PCDHGB6: variants seen among roughly 807,000 people sequenced by gnomAD.
PCDHGB6 encodes protocadherin gamma subfamily B, 6.
A neutral mutation model predicts 59.1 loss-of-function variants in PCDHGB6; 51 were observed. That is an observed-to-expected ratio of 0.86 (90% CI 0.69 to 1.09). The LOEUF is 1.09. PCDHGB6 is among the 50% of genes least tolerant of loss of function. PCDHGB6 has a pLI of 0.00. For synonymous variants in PCDHGB6, 466 were observed against 495.1 expected, an observed-to-expected ratio of 0.94 and a Z score of 0.78; for missense variants, 1,148 against 1,205.1, an observed-to-expected ratio of 0.95 and a Z score of 0.70.
chr5:141,425,835 T>C (rs536839515), intron 1 of PCDHGB6, among the ~76,000 whole-genome samples: 1 of 152,256 alleles, frequency 6.6e-6, no homozygotes, highest in Admixed American at 6.5e-5. Flanking sequence ...TTTTAAATTC[T>C]CTTTGCTGGG....
At chr5:141,414,435 C>G (rs891322256) in intron 1 of PCDHGB6, 2 of 1,613,678 alleles carry the variant, frequency 1.2e-6, no homozygotes, top group African/African-American at 1.3e-5. Context: ...AACAGGTATC[C>G]TCTTACAATA....
chr5:141,499,533 G>T (rs2099792525), intron 2 of PCDHGB6, among the ~76,000 whole-genome samples: 1 of 152,086 alleles, frequency 6.6e-6, no homozygotes, highest in African/African-American at 2.4e-5. Flanking sequence ...AGAGAGAATG[G>T]TGTCATGAAC....
At chr5:141,447,433 C>T (rs756021616) in intron 1 of PCDHGB6, among the ~76,000 whole-genome samples, 5 of 152,118 alleles carry the variant, frequency 3.3e-5, no homozygotes, top group African/African-American at 7.2e-5. Context: ...CCACCGCACC[C>T]GGAGGAAATT....
Position 141,486,674 on chromosome 5 carries a change from G to A in PCDHGB6, c.2419-8133G>A. On this transcript the variant is annotated intron_variant, in intron 1 of 3. Transcript: ENST00000520790. This position sits in a 1 kb window ranked among gnomAD's most constrained non-coding sequence, Gnocchi z 5.0. ...CTCACTCCTGGAGCCCAGGAATCGA[G>A]ATGTATCAGCTTCCTCTTTCATCTC... The A allele has an allele frequency of 1.9e-6, 3 of 1,614,080 alleles. No individual in the cohort carries two copies. Among genetic ancestry groups the A allele is most frequent in the Non-Finnish European group, 2.5e-6 (3 of 1,180,036 alleles).
At chr5:141,420,073 G>A (rs2096463936) in intron 1 of PCDHGB6, 23 of 1,613,964 alleles carry the variant, frequency 1.4e-5, no homozygotes, top group Non-Finnish European at 1.9e-5. Context: ...CCGGACCTGT[G>A]GGTCCCCCCA....
chr5:141,414,434 C>A (rs774467993), intron 1 of PCDHGB6: 2 of 1,613,822 alleles, frequency 1.2e-6, no homozygotes, highest in Non-Finnish European at 8.5e-7. Flanking sequence ...GAACAGGTAT[C>A]CTCTTACAAT....
intron 1 of PCDHGB6, chr5:141,417,960 G>T (rs2096199953): frequency 1.2e-6 from 2 of 1,613,624 alleles, no homozygotes; most frequent in African/African-American, 1.3e-5. Context: ...GAGCCGATCC[G>T]CTACTCGATT....
intron 1 of PCDHGB6, among the ~76,000 whole-genome samples, chr5:141,457,863 C>A (rs2098930968): frequency 6.6e-6 from 1 of 152,194 alleles, no homozygotes; most frequent in Non-Finnish European, 1.5e-5. Flanking sequence ...TCTTCACTGA[C>A]CACAGGTTAG....
At position 141,485,614 on chromosome 5, in the gene PCDHGB6, T is replaced by G; in HGVS notation, c.2419-9193T>G. 1 of 1,612,236 alleles carries G rather than the reference T, an allele frequency of 6.2e-7. No individual in the cohort carries two copies. Among genetic ancestry groups the G allele is most frequent in the Non-Finnish European group, 8.5e-7 (1 of 1,178,686 alleles). On this transcript the variant is annotated intron_variant, in intron 1 of 3. Transcript: ENST00000520790. The surrounding 1 kb of genome is among the most constrained non-coding windows in gnomAD (Gnocchi z 5.7). ...ACTTGGAAATTGGGGAGGCAGCTCC[T>G]CCAGGACAGCGTTTCCCGTTGGAAA...
intron 1 of PCDHGB6, chr5:141,413,192 A>G: frequency 1.2e-6 from 2 of 1,607,816 alleles, no homozygotes; most frequent in South Asian, 2.2e-5. Context: ...GCTCAAAGGA[A>G]TCGCTCAAAG....
In PCDHGB6 at chr5:141,511,979, T is replaced by C. The variant is rs1205375941; in HGVS notation, c.*806T>C. ...AGGAAGGGAAGTGTGTGGATGTGGA[T>C]GGTGGGGGCATGGACAAAGCTTGAC... On this transcript the variant is annotated 3_prime_UTR_variant, in exon 4 of 4. Transcript: ENST00000520790. The C allele has an allele frequency of 6.5e-5, 10 of 153,278 alleles. No individual in the cohort carries two copies. The highest frequency in any genetic ancestry group is 1.5e-4 in the Non-Finnish European group (10 of 68,568). The allele number at this position is 153,278 out of a possible 1,614,324, so 9.5% of individuals were successfully genotyped here.
chr5:141,456,701 G>A lies in PCDHGB6; in HGVS notation c.2419-38106G>A, dbSNP rs370086323. ...CATTACTGGCCAGGCGTGGTGGCTC[G>A]CGCCTGTAATCCCAGCACTTTGGGA... On this transcript the variant is annotated intron_variant, in intron 1 of 3. Transcript: ENST00000520790. 2.3e-4 allele frequency among the ~76,000 whole-genome samples: 35 copies of A among 152,106 alleles called. No homozygotes were observed. The South Asian group carries it at 4.8e-3, about 21-fold the overall frequency.
At chr5:141,472,040 G>T (rs1431219928) in intron 1 of PCDHGB6, among the ~76,000 whole-genome samples, 4 of 152,018 alleles carry the variant, frequency 2.6e-5, no homozygotes, top group Non-Finnish European at 5.9e-5. Flanking sequence ...GCTGTGAAAA[G>T]ATTTTAAAAA....
At chr5:141,429,726 C>T (rs931967000) in intron 1 of PCDHGB6, among the ~76,000 whole-genome samples, 23 of 152,068 alleles carry the variant, frequency 1.5e-4, no homozygotes, top group Admixed American at 1.3e-4. Flanking sequence ...CATGAAAGTA[C>T]GTAGCCAGTT....
intron 1 of PCDHGB6, among the ~76,000 whole-genome samples, chr5:141,433,847 A>C (rs979302028): frequency 6.6e-6 from 1 of 151,976 alleles, no homozygotes; most frequent in South Asian, 2.1e-4. Context: ...CAAAAAAAAA[A>C]AAAAAAAACT....
rs1200950542 is a variant in PCDHGB6, at chr5:141,409,998, G to A, written c.1796G>A (p.Gly599Glu). 4 of 1,613,236 alleles carry A rather than the reference G, an allele frequency of 2.5e-6. No homozygotes were observed. In the Admixed American group the frequency reaches 6.7e-5, roughly 27 times the overall value. Residue 599 changes from glycine to glutamate, a missense_variant, in exon 1 of 4, where the codon GGA becomes GAA. Coordinates refer to ENST00000520790, the MANE Select transcript of PCDHGB6 (RefSeq NM_018926.3). ...TKVVAVDADS[G>E]HNAWLSYHVL... ...GTGGTAGCGGTGGACGCCGACTCGGGACACAACGCCTGGCTGTCCTACCAC... is the reference window on the plus strand; with the variant it reads ...GTGGTAGCGGTGGACGCCGACTCGGAACACAACGCCTGGCTGTCCTACCAC...
intron 1 of PCDHGB6, chr5:141,420,239 C>G (rs984335177): frequency 1.3e-6 from 2 of 1,593,300 alleles, no homozygotes; most frequent in African/African-American, 2.7e-5. Flanking sequence ...CATTTTAACT[C>G]CCAGCGTTGA....
At position 141,426,001 on chromosome 5, in the gene PCDHGB6, T is replaced by C. The variant is rs553657872; in HGVS notation, c.2418+15381T>C. Among the ~76,000 whole-genome samples, 3 of 152,318 alleles carry C rather than the reference T, an allele frequency of 2.0e-5. No individual in the cohort carries two copies. In the South Asian group the frequency reaches 6.2e-4, roughly 32 times the overall value. The stretch of plus-strand genomic sequence containing the variant: ...TGAATCCCATTGAATTAGCAAAGGC[T>C]TCCGGCTGCAGTTTTCTAAATAGAC... On this transcript the variant is annotated intron_variant, in intron 1 of 3. Transcript: ENST00000520790.
intron 1 of PCDHGB6, chr5:141,422,797 G>A (rs1037091316): frequency 2.5e-6 from 4 of 1,614,244 alleles, no homozygotes; most frequent in Non-Finnish European, 3.4e-6. Context: ...CTTCGACTAT[G>A]AGCAGTTTCG....
Sources: allele counts gnomAD v4.1 joint callset (sites outside exome capture counted in the v4.1 genomes callset), GRCh38; gene constraint gnomAD v4.1.1; non-coding constraint Gnocchi (gnomAD v3.1); transcripts MANE v1.5; gene names NCBI Gene and HGNC (gene_info 2026-07-23, HGNC 2026-07-21).